PIK3CD: variants seen among roughly 807,000 people sequenced by gnomAD.
The protein encoded by PIK3CD is phosphatidylinositol 4,5-bisphosphate 3-kinase catalytic subunit delta isoform.
Under a neutral mutation model 122.9 loss-of-function variants are expected in PIK3CD, and 20 were observed. The observed-to-expected ratio is 0.16, with a 90% CI of 0.11 to 0.24. The LOEUF (loss-of-function observed/expected upper bound fraction) is 0.24, where lower values mean the gene tolerates loss of function less well. PIK3CD is among the 10% of genes least tolerant of loss of function. The probability of loss-of-function intolerance (pLI) is 1.00; values close to 1 mark genes in which losing one functional copy is unlikely to be tolerated. For synonymous variants in PIK3CD, 596 were observed against 593.4 expected (o/e 1.00, Z -0.06); for missense variants, 787 against 1,406.3 (o/e 0.56, Z 7.04).
At chr1:9,661,134 C>A (rs554105677) in intron 1 of PIK3CD, among the ~76,000 whole-genome samples, 14 of 152,104 alleles carry the variant, frequency 9.2e-5, no homozygotes, top group Admixed American at 5.9e-4. Flanking sequence ...GGGGTTTCAT[C>A]GTGTTGGACA....
At chr1:9,725,292 G>A (rs1362801815) in intron 23 of PIK3CD, among the ~76,000 whole-genome samples, 2 of 152,216 alleles carry the variant, frequency 1.3e-5, no homozygotes, top group Admixed American at 6.5e-5. Flanking sequence ...GGTGGCTCAC[G>A]CCTGTAATCT....
At chr1:9,667,812 T>G (rs1645206126) in intron 1 of PIK3CD, among the ~76,000 whole-genome samples, 1 of 148,686 alleles carries the variant, frequency 6.7e-6, no homozygotes, top group Non-Finnish European at 1.5e-5. Context: ...TCACAGCTTA[T>G]TGCAGCCCCG....
rs868437263 is a variant in PIK3CD, at chr1:9,663,285, C to T, written c.-138+11483C>T. ...TGTTCAGGGCCTCCCACCAGGGAAG[C>T]TACCCCACAGCCCTGTGCAGTGTCT... On this transcript the variant is annotated intron_variant, in intron 1 of 23. Coordinates refer to ENST00000377346, the MANE Select transcript of PIK3CD (RefSeq NM_005026.5). Among the ~76,000 whole-genome samples the T allele has an allele frequency of 3.0e-4, 46 of 152,340 alleles. 1 individual carries two copies. In the Middle Eastern group the frequency reaches 0.014, roughly 45 times the overall value.
chr1:9,701,426 C>A (rs1206133416), intron 2 of PIK3CD, among the ~76,000 whole-genome samples: 1 of 152,150 alleles, frequency 6.6e-6, no homozygotes, highest in Non-Finnish European at 1.5e-5. Flanking sequence ...AATCCCAGCA[C>A]TTTGGGAGGC....
the PIK3CD span, among the ~76,000 whole-genome samples, chr1:9,635,482 C>T: frequency 1.7e-4 from 26 of 152,262 alleles, no homozygotes; most frequent in African/African-American, 5.8e-4. Context: ...AGACCACCCA[C>T]GCTCCAGGTG....
chr1:9,656,942 CAAA>C (rs56008596), intron 1 of PIK3CD, among the ~76,000 whole-genome samples: 4,187 of 114,928 alleles, frequency 0.036, 139 homozygotes, highest in African/African-American at 0.1. Flanking sequence ...GACTCCATCT[CAAA>C]AAAAAAAAAA....
rs896637415 is a variant in PIK3CD, at chr1:9,696,610, C to T, written c.-33+5039C>T. Reference sequence around the variant, plus strand: ...CTACAAGAAATAAAAAGTTAGCTGGCGTGGTAGCATGTGCCTGTAGTCACA... The same window carrying T: ...CTACAAGAAATAAAAAGTTAGCTGGTGTGGTAGCATGTGCCTGTAGTCACA... On this transcript the variant is annotated intron_variant, in intron 2 of 23. Coordinates refer to ENST00000377346, the MANE Select transcript of PIK3CD (RefSeq NM_005026.5). Among the ~76,000 whole-genome samples the T allele has an allele frequency of 2.7e-5, 4 of 149,736 alleles. No individual in the cohort carries two copies. The East Asian group carries it at 6.0e-4, about 22-fold the overall frequency.
At chr1:9,633,534 C>T in the PIK3CD span, among the ~76,000 whole-genome samples, 48 of 152,236 alleles carry the variant, frequency 3.2e-4, no homozygotes, top group Admixed American at 3.1e-3. Context: ...GTCTCAAACT[C>T]CTGACCTCAG....
chr1:9,637,356 T>C, the PIK3CD span, among the ~76,000 whole-genome samples: 1 of 152,016 alleles, frequency 6.6e-6, no homozygotes, highest in African/African-American at 2.4e-5. Context: ...ATAGTGAAAC[T>C]CCATCTCTAC....
Position 9,720,340 on chromosome 1 carries a change from G to C in PIK3CD, c.1470+98G>C. The C allele has an allele frequency of 2.1e-6, 3 of 1,456,096 alleles. No individual in the cohort carries two copies. Among genetic ancestry groups the C allele is most frequent in the Non-Finnish European group, 2.8e-6 (3 of 1,084,140 alleles). The allele number at this position is 1,456,096 out of a possible 1,614,324, so 90.2% of individuals were successfully genotyped here. A position where few individuals can be genotyped will look rare whatever the true frequency, so the allele number is the denominator to read the frequency against. On this transcript the variant is annotated intron_variant, in intron 11 of 23. Coordinates refer to ENST00000377346, the MANE Select transcript of PIK3CD (RefSeq NM_005026.5). This position sits in a 1 kb window ranked among gnomAD's most constrained non-coding sequence, Gnocchi z 9.0. ...TCAGAGGGTGCTCCCTGGCCACGTC[G>C]GGGCTGGGCTACCAGGCATATCTGG...
Position 9,691,589 on chromosome 1 carries a change from G to A in PIK3CD, c.-33+18G>A. 2.5e-6 allele frequency: 1 copy of A among 398,548 alleles called. No individual in the cohort carries two copies. Among genetic ancestry groups the A allele is most frequent in the Non-Finnish European group, 4.4e-6 (1 of 226,056 alleles). 24.7% of individuals were successfully genotyped at this position (398,548 alleles called of 1,614,324 possible). Reference sequence around the variant, plus strand: ...CCAGAGAGGTAGGTTGGGGGAACGGGCCAAGTGTGTGGGGGAAGGGAAAGG... The same window carrying A: ...CCAGAGAGGTAGGTTGGGGGAACGGACCAAGTGTGTGGGGGAAGGGAAAGG... On this transcript the variant is annotated intron_variant, in intron 2 of 23. Transcript: ENST00000377346.
chr1:9,667,909 T>G (rs7553361), intron 1 of PIK3CD, among the ~76,000 whole-genome samples: 28 of 110,832 alleles, frequency 2.5e-4, no homozygotes, highest in African/African-American at 5.6e-4. Context: ...CTAATTTTTG[T>G]TTTTTTTTTT....
the PIK3CD span, among the ~76,000 whole-genome samples, chr1:9,645,000 T>TTTTTCTTTTC: frequency 1.1e-3 from 139 of 129,816 alleles, 2 homozygotes; most frequent in African/African-American, 4.1e-3. Context: ...TCCAGGCCTA[T>TTTTTCTTTTC]TTTTCTTTTC....
Position 9,691,321 on chromosome 1 carries a change from G to T in PIK3CD, c.-137-146G>T, listed in dbSNP as rs570289430. On this transcript the variant is annotated intron_variant, in intron 1 of 23. Coordinates refer to ENST00000377346, the MANE Select transcript of PIK3CD (RefSeq NM_005026.5). Reference sequence around the variant, plus strand: ...GCAGATGGCAAGAAAGGCCGATCAAGTGGAATGTGATTGGTTTGCAAAAAG... The same window carrying T: ...GCAGATGGCAAGAAAGGCCGATCAATTGGAATGTGATTGGTTTGCAAAAAG... 3 of 386,448 alleles carry T rather than the reference G, an allele frequency of 7.8e-6. No individual in the cohort carries two copies. The Admixed American group carries it at 1.3e-4, about 17-fold the overall frequency. 23.9% of individuals were successfully genotyped at this position (386,448 alleles called of 1,614,324 possible).
chr1:9,719,411 A>T lies in PIK3CD; in HGVS notation c.1242+496A>T, dbSNP rs1444221885. Among the ~76,000 whole-genome samples, 1 of 152,184 alleles carries T rather than the reference A, an allele frequency of 6.6e-6. No homozygotes were observed. The highest frequency in any genetic ancestry group is 1.5e-5 in the Non-Finnish European group (1 of 68,042). ...CGTGGTGGCTCATGCCTGTAATCCC[A>T]GCACTTTGGGAGGCCAAGGTGGTCG... On this transcript the variant is annotated intron_variant, in intron 9 of 23. Coordinates refer to ENST00000377346, the MANE Select transcript of PIK3CD (RefSeq NM_005026.5). This position sits in a 1 kb window ranked among gnomAD's most constrained non-coding sequence, Gnocchi z 5.5.
chr1:9,695,360 T>C (rs1396114941), intron 2 of PIK3CD, among the ~76,000 whole-genome samples: 2 of 152,124 alleles, frequency 1.3e-5, no homozygotes, highest in Non-Finnish European at 2.9e-5. Flanking sequence ...ACTGAAGGCA[T>C]TTCTACTTTT....
intron 3 of PIK3CD, among the ~76,000 whole-genome samples, chr1:9,713,749 C>A (rs1489372114): frequency 6.6e-6 from 1 of 150,504 alleles, no homozygotes; most frequent in Non-Finnish European, 1.5e-5. Context: ...CACCACCATG[C>A]CTGGCTAATT....
intron 3 of PIK3CD, among the ~76,000 whole-genome samples, chr1:9,711,505 C>T (rs966615440): frequency 6.6e-6 from 1 of 152,104 alleles, no homozygotes; most frequent in Admixed American, 6.6e-5. Context: ...CTCAGTTATC[C>T]AATTATTCAT....
chr1:9,678,477 C>A (rs1375862774), intron 1 of PIK3CD, among the ~76,000 whole-genome samples: 1 of 152,178 alleles, frequency 6.6e-6, no homozygotes, highest in South Asian at 2.1e-4. Flanking sequence ...GAAAAAAACT[C>A]CATCTTCCAC....
Sources: gnomAD v4.1 joint callset for allele counts (sites outside exome capture counted in the v4.1 genomes callset) on GRCh38, gnomAD v4.1.1 for gene constraint, Gnocchi (gnomAD v3.1) non-coding constraint, MANE v1.5 for transcripts, NCBI Gene and HGNC (gene_info 2026-07-23, HGNC 2026-07-21) for gene names.